The following STK4 variants were observed in gnomAD, a reference collection of about 807,000 sequenced individuals.
STK4 encodes serine/threonine-protein kinase 4.
A neutral mutation model predicts 64.9 loss-of-function variants in STK4; 30 were observed. The ratio of observed to expected loss-of-function variants is 0.46; its 90% confidence interval spans 0.35 to 0.63. The LOEUF is 0.63. Among genes scored for constraint, STK4 ranks in the 20% least tolerant of loss-of-function variants. The pLI is 0.01. For synonymous variants in STK4, 177 were observed against 199.0 expected (o/e 0.89, Z 0.93); for missense variants, 466 against 598.5 (o/e 0.78, Z 2.31).
chr20:44,990,690 A>G (rs560265230), intron 5 of STK4, among the ~76,000 whole-genome samples: 1 of 152,212 alleles, frequency 6.6e-6, no homozygotes, highest in South Asian at 2.1e-4. Context: ...CACACTCTCT[A>G]TAGTCTAGAG....
rs546719578 is a variant in STK4, at chr20:45,006,332, G to A, written c.1147+4979G>A. The stretch of plus-strand genomic sequence containing the variant: ...GTCCAGGCAGGTCTTGAACTCCTGG[G>A]CTCGTCATCCTCCTACCTCAGTCTC... On this transcript the variant is annotated intron_variant, in intron 9 of 10. Transcript: ENST00000372806. 1.9e-3 allele frequency among the ~76,000 whole-genome samples: 282 copies of A among 150,558 alleles called. 2 individuals carry two copies. Among genetic ancestry groups the A allele is most frequent in the African/African-American group, 6.4e-3 (264 of 41,000 alleles).
At chr20:45,009,934 C>G (rs1365280820) in intron 9 of STK4, among the ~76,000 whole-genome samples, 6 of 152,102 alleles carry the variant, frequency 3.9e-5, no homozygotes, top group African/African-American at 9.7e-5. Flanking sequence ...TTGACAGAGT[C>G]TTTAGGATTT....
intron 9 of STK4, among the ~76,000 whole-genome samples, chr20:45,017,724 A>C (rs2068168015): frequency 6.6e-6 from 1 of 152,188 alleles, no homozygotes. Context: ...GACCATTCTC[A>C]CCTGTGAACA....
chr20:44,988,533 G>GTGTGTATA (rs1221720136), intron 5 of STK4, among the ~76,000 whole-genome samples: 1 of 101,576 alleles, frequency 9.8e-6, no homozygotes, highest in African/African-American at 4.8e-5. Context: ...ATGTGTGTGT[G>GTGTGTATA]TATATATATA....
intron 1 of STK4, among the ~76,000 whole-genome samples, chr20:44,969,888 A>G (rs1022399137): frequency 2.6e-5 from 4 of 152,238 alleles, no homozygotes; most frequent in African/African-American, 9.6e-5. Flanking sequence ...ATAATTCAGT[A>G]ATACTTCTTA....
At chr20:45,008,489 A>G (rs1367997631) in intron 9 of STK4, among the ~76,000 whole-genome samples, 1 of 152,170 alleles carries the variant, frequency 6.6e-6, no homozygotes, top group Non-Finnish European at 1.5e-5. Flanking sequence ...GCTATTGTGA[A>G]TAGTGTGGTG....
At chr20:45,005,698 G>C (rs76085238) in intron 9 of STK4, among the ~76,000 whole-genome samples, 3,306 of 147,870 alleles carry the variant, frequency 0.022, 44 homozygotes, top group Non-Finnish European at 0.034. Context: ...TCATTATTTA[G>C]AGTCAATACA....
chr20:45,057,405 T>C (rs932580795), intron 10 of STK4, among the ~76,000 whole-genome samples: 28 of 152,214 alleles, frequency 1.8e-4, no homozygotes, highest in Admixed American at 1.6e-3. Flanking sequence ...CAGTAATAAC[T>C]ATATGCTTGT....
chr20:44,981,695 G>A, intron 3 of STK4, 134 bp from the exon 4 acceptor site: 1 of 531,398 alleles, frequency 1.9e-6, no homozygotes, highest in Non-Finnish European at 3.3e-6. Flanking sequence ...CTTATCAGGA[G>A]GTTGTCCATT....
intron 9 of STK4, among the ~76,000 whole-genome samples, chr20:45,004,119 G>A (rs905850212): frequency 3.3e-5 from 5 of 151,446 alleles, no homozygotes; most frequent in African/African-American, 9.7e-5. Context: ...TTTTTGAGAC[G>A]GAGTCTTGCT....
chr20:45,014,198 GT>G (rs2068100785), intron 9 of STK4, among the ~76,000 whole-genome samples: 1 of 152,082 alleles, frequency 6.6e-6, no homozygotes, highest in South Asian at 2.1e-4. Flanking sequence ...GCCGAGGTGG[GT>G]GGATCACTTG....
intron 10 of STK4, among the ~76,000 whole-genome samples, chr20:45,068,235 A>G (rs1979753740): frequency 6.6e-6 from 1 of 152,232 alleles, no homozygotes; most frequent in Admixed American, 6.5e-5. Context: ...CATCTGACTT[A>G]ACACCAGTGC....
intron 5 of STK4, among the ~76,000 whole-genome samples, chr20:44,990,160 C>T (rs2067605618): frequency 6.6e-6 from 1 of 152,192 alleles, no homozygotes; most frequent in African/African-American, 2.4e-5. Flanking sequence ...ATATTGTCTT[C>T]CGATCTATGA....
At chr20:45,026,765 A>G (rs113342004) in intron 10 of STK4, among the ~76,000 whole-genome samples, 2,940 of 152,216 alleles carry the variant, frequency 0.019, 93 homozygotes, top group African/African-American at 0.066. Context: ...CAGTGTTTTT[A>G]TTTACTATTC....
intron 10 of STK4, among the ~76,000 whole-genome samples, chr20:45,037,600 C>G (rs1223698162): frequency 6.6e-6 from 1 of 152,014 alleles, no homozygotes; most frequent in Non-Finnish European, 1.5e-5. Flanking sequence ...AGTTATAAGC[C>G]ATTCAGTTGG....
At chr20:45,046,016 G>A (rs958010622) in intron 10 of STK4, among the ~76,000 whole-genome samples, 13 of 151,770 alleles carry the variant, frequency 8.6e-5, no homozygotes, top group Non-Finnish European at 5.9e-5. Flanking sequence ...CATGTTGGCC[G>A]GGCCAGTCAC....
At chr20:45,019,832 C>G (rs536996807) in intron 9 of STK4, among the ~76,000 whole-genome samples, 1 of 152,316 alleles carries the variant, frequency 6.6e-6, no homozygotes, top group South Asian at 2.1e-4. Context: ...CCCTGGGGGA[C>G]AGCATGGCCT....
At position 45,001,218 on chromosome 20, in the gene STK4, A is replaced by C; in HGVS notation, c.1012A>C (p.Met338Leu). The C allele has an allele frequency of 6.2e-7, 1 of 1,614,146 alleles. No individual in the cohort carries two copies. The highest frequency in any genetic ancestry group is 8.5e-7 in the Non-Finnish European group (1 of 1,180,014). ...GTMVRAVGDE[M>L]GTVRVASTMT... The stretch of plus-strand genomic sequence containing the variant: ...GATGGTTCGAGCAGTGGGTGATGAG[A>C]TGGGCACTGTCCGAGTAGCCAGCAC... The change falls in exon 9 of 11, where the codon ATG (methionine) becomes CTG (leucine). Residue 338 changes from methionine to leucine, a missense_variant. By Grantham distance (15) the Met-to-Leu change is conservative. Around this residue, in one of 2 missense-constraint regions of STK4, gnomAD observed 276 missense variants for 308.9 expected, o/e 0.89. Coordinates refer to ENST00000372806, the MANE Select transcript of STK4 (RefSeq NM_006282.5).
At chr20:44,983,438 C>A (rs763970437) in intron 4 of STK4, among the ~76,000 whole-genome samples, 1 of 151,798 alleles carries the variant, frequency 6.6e-6, no homozygotes, top group Non-Finnish European at 1.5e-5. Context: ...CTCGTCTCTA[C>A]AAAAGAAAAA....
Sources: gnomAD v4.1 joint callset for allele counts (sites outside exome capture counted in the v4.1 genomes callset) on GRCh38, gnomAD v4.1.1 for gene constraint, gnomAD v4.1.1 regional missense constraint, MANE v1.5 for transcripts, NCBI Gene and HGNC (gene_info 2026-07-23, HGNC 2026-07-21) for gene names.